Variants in MET observed in about 807,000 individuals in gnomAD.
MET encodes hepatocyte growth factor receptor.
Under a neutral mutation model 133.1 loss-of-function variants are expected in MET, and 48 were observed. The observed-to-expected ratio is 0.36, with a 90% CI of 0.29 to 0.46. The LOEUF (loss-of-function observed/expected upper bound fraction) is 0.46, where lower values mean the gene tolerates loss of function less well. Ranked by LOEUF, MET falls within the 20% of genes least tolerant of loss-of-function variation. MET has a pLI of 1.00. For missense variants in MET, 1,442 were observed against 1,695.9 expected, an observed-to-expected ratio of 0.85 and a Z score of 2.63; for synonymous variants, 628 against 616.5, an observed-to-expected ratio of 1.02 and a Z score of -0.28.
At chr7:116,687,344 T>C (rs149385616) in intron 1 of MET, among the ~76,000 whole-genome samples, 1 of 152,388 alleles carries the variant, frequency 6.6e-6, no homozygotes, top group African/African-American at 2.4e-5. Context: ...TTTTCTGTAC[T>C]ATCCTAGTTT....
chr7:116,743,595 G>A (rs1217154545), intron 5 of MET, among the ~76,000 whole-genome samples: 1 of 152,180 alleles, frequency 6.6e-6, no homozygotes, highest in Non-Finnish European at 1.5e-5. Flanking sequence ...CCCTCACACT[G>A]TAAAGGGTAC....
chr7:116,688,509 G>A (rs73716760), intron 1 of MET, among the ~76,000 whole-genome samples: 2,530 of 152,192 alleles, frequency 0.017, 77 homozygotes, highest in African/African-American at 0.058. Flanking sequence ...TTATTAATGG[G>A]ACAAAAGCCC....
In MET at chr7:116,755,376, C is replaced by A. The variant is rs587778445; in HGVS notation, c.1723C>A (p.Leu575Ile). The change falls in exon 6 of 21, where the codon CTT becomes ATT. Residue 575 changes from leucine to isoleucine, a missense_variant. This residue lies in a region of MET where 762 missense variants were observed against 792.4 expected (regional missense o/e 0.96). Coordinates refer to ENST00000397752, the MANE Select transcript of MET (RefSeq NM_000245.4). The stretch of plus-strand genomic sequence containing the variant: ...GTAGGTTTTCCCAAATAGTGCACCC[C>A]TTGAAGGAGGGACAAGGCTGACCAT... ...IYKVFPNSAP[L>I]EGGTRLTICG... The A allele has an allele frequency of 4.4e-5, 71 of 1,613,834 alleles. No individual in the cohort carries two copies. The Admixed American group carries it at 1.1e-3, about 26-fold the overall frequency.
chr7:116,698,007 AG>A (rs1311742622), intron 1 of MET, among the ~76,000 whole-genome samples: 1 of 152,208 alleles, frequency 6.6e-6, no homozygotes, highest in East Asian at 1.9e-4. Context: ...TTGTAGATCC[AG>A]GGTTAGTCTT....
rs1424745032 is a variant in MET at position 116,797,379 on chromosome 7, G to C, written c.*1255G>C. The C allele has an allele frequency of 8.7e-6, 2 of 228,684 alleles. No individual in the cohort carries two copies. Among genetic ancestry groups the C allele is most frequent in the Non-Finnish European group, 1.7e-5 (2 of 115,264 alleles). 14.2% of individuals were successfully genotyped at this position (228,684 alleles called of 1,614,324 possible). A position where few individuals can be genotyped will look rare whatever the true frequency, so the allele number is the denominator to read the frequency against. ...CAGGTTCCCACCTCGCAAGCAATTG[G>C]AAACAAAACTTTTGGGGAGTTTTAT... On this transcript the variant is annotated 3_prime_UTR_variant, in exon 21 of 21. Coordinates refer to ENST00000397752, the MANE Select transcript of MET (RefSeq NM_000245.4).
intron 3 of MET, among the ~76,000 whole-genome samples, chr7:116,732,261 C>T (rs1793042595): frequency 6.6e-6 from 1 of 152,152 alleles, no homozygotes; most frequent in East Asian, 1.9e-4. Flanking sequence ...GAAACATTCA[C>T]ATCATTGAGA....
At chr7:116,752,398 T>G (rs191030851) in intron 5 of MET, among the ~76,000 whole-genome samples, 42 of 152,332 alleles carry the variant, frequency 2.8e-4, no homozygotes. Context: ...TGGCTGTATC[T>G]CCCCTATCCA....
At chr7:116,712,354 C>CT (rs1239045246) in intron 2 of MET, among the ~76,000 whole-genome samples, 1 of 152,176 alleles carries the variant, frequency 6.6e-6, no homozygotes, top group Non-Finnish European at 1.5e-5. Context: ...TACCATGTCT[C>CT]TTATCACACT....
chr7:116,750,092 A>T (rs558907657), intron 5 of MET, among the ~76,000 whole-genome samples: 1 of 151,760 alleles, frequency 6.6e-6, no homozygotes, highest in Non-Finnish European at 1.5e-5. Context: ...TTTAAATTTC[A>T]TATGGAACCA....
chr7:116,692,146 T>C (rs1025548892), intron 1 of MET, among the ~76,000 whole-genome samples: 1 of 152,224 alleles, frequency 6.6e-6, no homozygotes, highest in Non-Finnish European at 1.5e-5. Context: ...ATTGCTCATT[T>C]AGTAGATTTC....
intron 2 of MET, among the ~76,000 whole-genome samples, chr7:116,716,467 GAGAAAGAAAGAAAGAAAGAAAGAAAGAA>G (rs531059164): frequency 2.0e-3 from 219 of 108,266 alleles, no homozygotes; most frequent in African/African-American, 5.2e-3. Context: ...AAGAAAGAAA[GAGAAAGAAAGAAAGAAAGAAAGAAAGAA>G]AGAAAGAAAG....
At chr7:116,742,724 C>G (rs1417205891) in intron 5 of MET, among the ~76,000 whole-genome samples, 1 of 152,214 alleles carries the variant, frequency 6.6e-6, no homozygotes, top group African/African-American at 2.4e-5. Context: ...TCCCTCCTCT[C>G]TCACCCTTCT....
intron 1 of MET, among the ~76,000 whole-genome samples, chr7:116,690,867 A>G (rs1017493599): frequency 6.6e-6 from 1 of 152,258 alleles, no homozygotes; most frequent in Non-Finnish European, 1.5e-5. Flanking sequence ...TTAATATCAT[A>G]TGATATAATG....
At chr7:116,787,443 C>T (rs1179161218) in intron 19 of MET, among the ~76,000 whole-genome samples, 1 of 149,702 alleles carries the variant, frequency 6.7e-6, no homozygotes, top group African/African-American at 2.4e-5. Flanking sequence ...GTTCTGGAGG[C>T]CAGGAAGTCC....
At position 116,731,739 on chromosome 7, in the gene MET, G is replaced by A. The variant is rs1342295714; in HGVS notation, c.1272G>A (p.Leu424=). The A allele has an allele frequency of 6.2e-7, 1 of 1,614,102 alleles. No homozygotes were observed. The highest frequency in any genetic ancestry group is 8.5e-7 in the Non-Finnish European group (1 of 1,180,006). ...DEYRTEFTTA[L]QRVDLFMGQF... ...ATCGAACAGAGTTTACCACAGCTTT[G>A]CAGCGCGTTGACTTATTCATGGGTC... Residue 424 remains leucine (L), a synonymous_variant, in exon 3 of 21, where the codon TTG becomes TTA. Coordinates refer to ENST00000397752, the MANE Select transcript of MET (RefSeq NM_000245.4).
At chr7:116,763,372 A>G (rs1794480401) in intron 11 of MET, 104 bp downstream of exon 11, 2 of 995,502 alleles carry the variant, frequency 2.0e-6, no homozygotes, top group Non-Finnish European at 3.1e-6. Flanking sequence ...ATCTTATACA[A>G]CACCAGCAAA....
At chr7:116,786,021 A>G (rs960994325) in intron 19 of MET, among the ~76,000 whole-genome samples, 4 of 152,356 alleles carry the variant, frequency 2.6e-5, no homozygotes, top group South Asian at 2.1e-4. Context: ...CTGTCATACA[A>G]TAGACCACAG....
At chr7:116,757,264 A>T (rs950597106) in intron 6 of MET, among the ~76,000 whole-genome samples, 173 bp from the exon 7 acceptor site, 1 of 152,126 alleles carries the variant, frequency 6.6e-6, no homozygotes, top group Non-Finnish European at 1.5e-5. Context: ...TAAGTTTATC[A>T]TAGTATAGAA....
At chr7:116,675,809 A>C (rs895350231) in intron 1 of MET, among the ~76,000 whole-genome samples, 4 of 149,608 alleles carry the variant, frequency 2.7e-5, no homozygotes, top group African/African-American at 9.9e-5. Context: ...GTAGTGAGAC[A>C]TACCGAGAAA....
Sources: gnomAD v4.1 joint callset for allele counts (sites outside exome capture counted in the v4.1 genomes callset) on GRCh38, gnomAD v4.1.1 for gene constraint, gnomAD v4.1.1 regional missense constraint, MANE v1.5 for transcripts, NCBI Gene and HGNC (gene_info 2026-07-23, HGNC 2026-07-21) for gene names.